The following NBPF12 variants were observed in gnomAD, a reference collection of about 807,000 sequenced individuals.
NBPF12 encodes NBPF member 12.
In NBPF12, 115 loss-of-function variants were observed where a neutral mutation model predicts 146.4. The ratio of observed to expected loss-of-function variants is 0.79; its 90% confidence interval spans 0.68 to 0.92. The LOEUF (loss-of-function observed/expected upper bound fraction) is 0.92. Among genes scored for constraint, NBPF12 ranks in the 40% least tolerant of loss-of-function variants. NBPF12 has a pLI of 0.00. For synonymous variants in NBPF12, 385 were observed against 508.9 expected, an observed-to-expected ratio of 0.76 and a Z score of 3.28; for missense variants, 1,205 against 1,326.8, an observed-to-expected ratio of 0.91 and a Z score of 1.43.
intron 2 of NBPF12, among the ~76,000 whole-genome samples, chr1:146,957,963 G>T: frequency 9.5e-6 from 1 of 104,898 alleles, no homozygotes; most frequent in Admixed American, 1.2e-4. Context: ...TTATATATAC[G>T]TGTATACATG....
chr1:146,984,721 A>C, intron 21 of NBPF12, 92 bp from the exon 25 acceptor site: 1 of 815,282 alleles, frequency 1.2e-6, no homozygotes, highest in Non-Finnish European at 2.2e-6. Flanking sequence ...TTTCTTTTCA[A>C]ACTCTTCCTT....
chr1:146,944,494 G>A (rs1654933325), upstream of NBPF12, among the ~76,000 whole-genome samples: 1 of 148,088 alleles, frequency 6.8e-6, no homozygotes, highest in Non-Finnish European at 1.5e-5. Flanking sequence ...AGCTTCTGGA[G>A]TGGACAAGGA....
At chr1:146,994,372 T>G in exon 34 of NBPF12, 1 of 1,612,388 alleles carries the variant, frequency 6.2e-7, no homozygotes, top group Non-Finnish European at 8.5e-7. Context: ...GCCTGAAGTC[T>G]TGCAGGACTC....
At chr1:146,969,517 G>A (rs1169763971) in exon 11 of NBPF12, 82 of 1,289,722 alleles carry the variant, frequency 6.4e-5, no homozygotes, top group Non-Finnish European at 9.0e-5. Flanking sequence ...AGCCGGACAA[G>A]TCCCAGGGGC....
upstream of NBPF12, among the ~76,000 whole-genome samples, chr1:146,938,543 C>T (rs1232860815): frequency 9.9e-5 from 15 of 152,230 alleles, no homozygotes; most frequent in Non-Finnish European, 1.6e-4. Context: ...GCTCCGTCCT[C>T]CATTACTCGT....
intron 8 of NBPF12, among the ~76,000 whole-genome samples, chr1:146,966,225 A>T (rs1289432984): frequency 5.3e-5 from 8 of 152,044 alleles, no homozygotes; most frequent in African/African-American, 1.9e-4. Flanking sequence ...GCCTTGCTTT[A>T]TAGAAACGTA....
At chr1:146,987,695 T>TC (rs1657868532) in intron 25 of NBPF12, among the ~76,000 whole-genome samples, 1 of 131,786 alleles carries the variant, frequency 7.6e-6, no homozygotes, top group African/African-American at 2.9e-5. Context: ...CTCTCTCTCT[T>TC]TCTCTCTCAG....
At chr1:146,987,675 TTCTC>T (rs202172679) in intron 25 of NBPF12, among the ~76,000 whole-genome samples, 28,117 of 142,200 alleles carry the variant, frequency 0.2, 162 homozygotes, top group South Asian at 0.34. Context: ...TGAGCTCGTT[TTCTC>T]TCTCTCTCTC....
At chr1:146,942,775 T>C (rs1455012689) in intron 1 of NBPF12, among the ~76,000 whole-genome samples, 2 of 142,896 alleles carry the variant, frequency 1.4e-5, no homozygotes, top group Non-Finnish European at 3.0e-5. Context: ...ATAGACCAGA[T>C]AGACCAGTAG....
chr1:146,975,466 C>T (rs1250402439), intron 15 of NBPF12, among the ~76,000 whole-genome samples: 6 of 150,048 alleles, frequency 4.0e-5, no homozygotes, highest in Non-Finnish European at 8.8e-5. Flanking sequence ...GGAACATCAT[C>T]GAGGATCTTG....
At chr1:146,970,707 C>T in exon 12 of NBPF12, 15 of 1,374,408 alleles carry the variant, frequency 1.1e-5, no homozygotes, top group Non-Finnish European at 1.5e-5. Flanking sequence ...GTGCTGGAAT[C>T]ATCTTCCCCC....
rs1470003214 is a variant in NBPF12 at position 146,971,230 on chromosome 1, A to G, written c.1427A>G (p.Glu476Gly). 3.7e-6 allele frequency: 6 copies of G among 1,612,082 alleles called. 1 individual carries two copies. In the African/African-American group the frequency reaches 6.8e-5, roughly 18 times the overall value. Residue 476 changes from glutamate (E) to glycine (G), a missense_variant, in exon 13 of 34, where the codon GAG becomes GGG. Glu to Gly is a moderately conservative substitution (Grantham distance 98). Coordinates refer to ENST00000617844, the Ensembl canonical transcript of NBPF12. ...AGCAAAGTCCCTGAGGACTCACTGG[A>G]GGAATGTGCCATCACTTGTTCAAAT...
At chr1:146,964,699 C>G (rs1456936572) in intron 7 of NBPF12, among the ~76,000 whole-genome samples, 194 bp from the exon 11 acceptor site, 1 of 151,966 alleles carries the variant, frequency 6.6e-6, no homozygotes, top group African/African-American at 2.4e-5. Context: ...CTGCTCTCTT[C>G]CTCTCTGGCT....
intron 4 of NBPF12, among the ~76,000 whole-genome samples, chr1:146,960,704 T>C (rs1440078772): frequency 6.6e-6 from 1 of 151,988 alleles, no homozygotes; most frequent in East Asian, 1.9e-4. Flanking sequence ...TTTATTCAGT[T>C]CAAGTTTCTG....
At chr1:146,955,991 T>C in intron 2 of NBPF12, among the ~76,000 whole-genome samples, 1 of 151,690 alleles carries the variant, frequency 6.6e-6, no homozygotes, top group Non-Finnish European at 1.5e-5. Context: ...CTTCTTTTTT[T>C]TTTTCCTCTT....
intron 9 of NBPF12, among the ~76,000 whole-genome samples, chr1:146,967,617 C>T (rs1438342351): frequency 1.3e-5 from 2 of 150,470 alleles, no homozygotes; most frequent in Non-Finnish European, 2.9e-5. Flanking sequence ...AAGATCGCAC[C>T]CGAGAATGTG....
At chr1:146,967,806 G>A (rs1256638554) in intron 9 of NBPF12, among the ~76,000 whole-genome samples, 1 of 150,864 alleles carries the variant, frequency 6.6e-6, no homozygotes, top group Non-Finnish European at 1.5e-5. Context: ...CAATCTCATA[G>A]AACGTTTATT....
chr1:146,963,203 C>A, exon 6 of NBPF12: 1 of 1,597,024 alleles, frequency 6.3e-7, no homozygotes, highest in Non-Finnish European at 8.6e-7. Flanking sequence ...ATCTCCAGGC[C>A]CTCCTCACTC....
At chr1:146,971,231 G>A (rs1364716732) in exon 13 of NBPF12, 3 of 1,612,086 alleles carry the variant, frequency 1.9e-6, no homozygotes, top group African/African-American at 1.4e-5. Flanking sequence ...ACTCACTGGA[G>A]GAATGTGCCA....
Sources: gnomAD v4.1 joint callset for allele counts (sites outside exome capture counted in the v4.1 genomes callset) on GRCh38, gnomAD v4.1.1 for gene constraint, MANE v1.5 for transcripts, NCBI Gene and HGNC (gene_info 2026-07-23, HGNC 2026-07-21) for gene names.